Variants in ELL2 observed in about 807,000 individuals in gnomAD.
ELL2 encodes the protein elongation factor for RNA polymerase II 2.
Under a neutral mutation model 72.8 loss-of-function variants are expected in ELL2, and 21 were observed. The observed-to-expected ratio is 0.29, with a 90% CI of 0.20 to 0.42. The LOEUF is 0.42. Ranked by LOEUF, ELL2 falls within the 10% of genes least tolerant of loss-of-function variation. The pLI is 1.00. For synonymous variants in ELL2, 266 were observed against 283.2 expected (o/e 0.94, Z 0.61); for missense variants, 568 against 772.8 (o/e 0.73, Z 3.14).
chr5:95,903,480 C>T (rs1580487892), intron 5 of ELL2, among the ~76,000 whole-genome samples: 1 of 151,712 alleles, frequency 6.6e-6, no homozygotes, highest in African/African-American at 2.4e-5. Context: ...CCCCCCACCT[C>T]GGCCTCCTAA....
intron 1 of ELL2, among the ~76,000 whole-genome samples, chr5:95,950,830 A>G (rs552340392): frequency 1.3e-5 from 2 of 148,976 alleles, no homozygotes; most frequent in East Asian, 3.9e-4. Context: ...GTTTTGAAAG[A>G]TAGCTTCTAG....
At chr5:95,926,600 TC>T (rs1397997418) in intron 2 of ELL2, among the ~76,000 whole-genome samples, 3 of 152,224 alleles carry the variant, frequency 2.0e-5, no homozygotes, top group African/African-American at 7.2e-5. Context: ...GAAATTGCTT[TC>T]CCTGTTATTT....
At chr5:95,916,936 A>G (rs1749832557) in intron 3 of ELL2, among the ~76,000 whole-genome samples, 1 of 152,182 alleles carries the variant, frequency 6.6e-6, no homozygotes, top group Non-Finnish European at 1.5e-5. Flanking sequence ...GAATAAGCTG[A>G]ACATACTGCC....
At position 95,927,378 on chromosome 5, in the gene ELL2, CACACGTGTGTATATATAGACAT is replaced by C. The variant is rs1561504009; in HGVS notation, c.196-7855_196-7834del. Among the ~76,000 whole-genome samples the C allele has an allele frequency of 1.8e-4, 15 of 83,600 alleles. 3 individuals are homozygous for C. The highest frequency in any genetic ancestry group is 9.8e-4 in the African/African-American group (12 of 12,220). 54.8% of individuals were successfully genotyped at this position (83,600 alleles called of 152,430 possible). On this transcript the variant is annotated intron_variant, in intron 2 of 11. Coordinates refer to ENST00000237853, the MANE Select transcript of ELL2 (RefSeq NM_012081.6). ...ATGTGTATATATAGACATACACACA[CACACGTGTGTATATATAGACAT>C]ACACACACGTGTGTATATAGACATA...
intron 5 of ELL2, among the ~76,000 whole-genome samples, chr5:95,905,929 TGACTTTAAAAAAC>T (rs1749341619): frequency 6.6e-6 from 1 of 152,172 alleles, no homozygotes; most frequent in Non-Finnish European, 1.5e-5. Context: ...AACAAACCAC[TGACTTTAAAAAAC>T]AATGGCCTAC....
chr5:95,956,961 C>T (rs957695129), intron 1 of ELL2, among the ~76,000 whole-genome samples: 2 of 152,162 alleles, frequency 1.3e-5, no homozygotes, highest in African/African-American at 4.8e-5. Context: ...ATGGAGTTGA[C>T]AAGAGAAAGT....
chr5:95,911,266 A>G (rs747994188), intron 4 of ELL2, among the ~76,000 whole-genome samples: 20 of 152,244 alleles, frequency 1.3e-4, no homozygotes, highest in Non-Finnish European at 1.8e-4. Flanking sequence ...CAGTAAAAAA[A>G]AAAATCAAAA....
chr5:95,888,799 C>T lies in ELL2; in HGVS notation c.*72G>A, dbSNP rs1266319098. The T allele has an allele frequency of 9.1e-7, 1 of 1,099,278 alleles. No individual in the cohort carries two copies. Among genetic ancestry groups the T allele is most frequent in the African/African-American group, 1.6e-5 (1 of 61,602 alleles). 68.1% of individuals were successfully genotyped at this position (1,099,278 alleles called of 1,614,324 possible). ...AGCCAAAGTTTCACCTTTTTAGAAT[C>T]TAGAGCAACTCATTTGGAATTTTAA... On this transcript the variant is annotated 3_prime_UTR_variant, in exon 12 of 12. Transcript: ENST00000237853.
intron 1 of ELL2, among the ~76,000 whole-genome samples, chr5:95,946,798 A>G (rs573394821): frequency 6.6e-6 from 1 of 152,356 alleles, no homozygotes; most frequent in African/African-American, 2.4e-5. Context: ...CTTACTTAAC[A>G]TTCAAGCTCA....
intron 2 of ELL2, among the ~76,000 whole-genome samples, chr5:95,923,423 G>A (rs1369029875): frequency 6.6e-6 from 1 of 152,048 alleles, no homozygotes; most frequent in African/African-American, 2.4e-5. Flanking sequence ...TCCTACCTGC[G>A]TGTAACACTA....
chr5:95,906,164 T>C (rs10070197), intron 5 of ELL2, among the ~76,000 whole-genome samples: 56,881 of 152,014 alleles, frequency 0.37, 11,989 homozygotes, highest in African/African-American at 0.58. Flanking sequence ...CAAAGGCCAA[T>C]AGAATACATT....
chr5:95,916,027 A>G (rs936535549), intron 3 of ELL2, among the ~76,000 whole-genome samples: 13 of 151,844 alleles, frequency 8.6e-5, no homozygotes, highest in Non-Finnish European at 1.6e-4. Context: ...AGAAGGAAAG[A>G]AAAGAGGCCA....
intron 2 of ELL2, among the ~76,000 whole-genome samples, chr5:95,927,382 CGTGTGTATATATAG>C (rs1750331709): frequency 3.6e-5 from 2 of 55,078 alleles, no homozygotes; most frequent in Non-Finnish European, 6.3e-5. Flanking sequence ...CACACACACA[CGTGTGTATATATAG>C]ACATACACAC....
At chr5:95,929,235 T>C (rs143884690) in intron 2 of ELL2, among the ~76,000 whole-genome samples, 1 of 151,734 alleles carries the variant, frequency 6.6e-6, no homozygotes, top group Non-Finnish European at 1.5e-5. Flanking sequence ...GTGAGTTCTT[T>C]GGAGGCAAGG....
chr5:95,941,502 T>A (rs1750967639), intron 2 of ELL2, among the ~76,000 whole-genome samples: 1 of 152,102 alleles, frequency 6.6e-6, no homozygotes, highest in Non-Finnish European at 1.5e-5. Flanking sequence ...AGGGTCAGAA[T>A]GGAGAGTTTG....
intron 2 of ELL2, 56 bp from the exon 3 acceptor site, chr5:95,919,601 G>C: frequency 6.7e-7 from 1 of 1,498,672 alleles, no homozygotes. Context: ...CCATAGAAAA[G>C]TCTTAAGACT....
intron 1 of ELL2, among the ~76,000 whole-genome samples, chr5:95,948,860 G>C (rs371783844): frequency 6.6e-6 from 1 of 152,064 alleles, no homozygotes. Context: ...AATTGGCTAG[G>C]GAAACTCCTT....
chr5:95,914,734 A>G (rs1351194017), intron 3 of ELL2, among the ~76,000 whole-genome samples: 1 of 152,134 alleles, frequency 6.6e-6, no homozygotes, highest in East Asian at 1.9e-4. Context: ...AGTTCCAGCT[A>G]GTCAGGAGAC....
intron 4 of ELL2, among the ~76,000 whole-genome samples, chr5:95,910,286 TG>T (rs1749535052): frequency 6.6e-6 from 1 of 152,040 alleles, no homozygotes; most frequent in Non-Finnish European, 1.5e-5. Context: ...GGCTGGAAGT[TG>T]GAAAAATTGG....
Sources: gnomAD v4.1 joint callset for allele counts (sites outside exome capture counted in the v4.1 genomes callset) on GRCh38, gnomAD v4.1.1 for gene constraint, MANE v1.5 for transcripts, NCBI Gene and HGNC (gene_info 2026-07-23, HGNC 2026-07-21) for gene names.